The following ABCA13 variants were observed in gnomAD, a reference collection of about 807,000 sequenced individuals.
The protein encoded by ABCA13 is ATP binding cassette subfamily A member 13.
In ABCA13, 476 loss-of-function variants were observed where a neutral mutation model predicts 478.7. The observed-to-expected ratio is 0.99, with a 90% CI of 0.92 to 1.07. The LOEUF (loss-of-function observed/expected upper bound fraction) is 1.07. Ranked by LOEUF, ABCA13 falls within the 50% of genes least tolerant of loss-of-function variation. ABCA13 has a pLI of 0.00. For missense variants in ABCA13, 6,060 were observed against 5,910.6 expected (o/e 1.03, Z -0.83); for synonymous variants, 2,252 against 2,158.9 (o/e 1.04, Z -1.20).
intron 20 of ABCA13, among the ~76,000 whole-genome samples, chr7:48,290,941 A>G (rs13244306): frequency 2.2e-4 from 6 of 27,560 alleles, no homozygotes; most frequent in South Asian, 6.8e-4. Context: ...ACACTCAGGG[A>G]AAAAAAAAAA....
At chr7:48,435,757 G>A (rs1276690858) in intron 42 of ABCA13, among the ~76,000 whole-genome samples, 3 of 151,560 alleles carry the variant, frequency 2.0e-5, no homozygotes, top group African/African-American at 4.8e-5. Context: ...TTCTTTATGT[G>A]TCAATTGAAA....
intron 50 of ABCA13, among the ~76,000 whole-genome samples, chr7:48,509,655 CT>C (rs1198316767): frequency 1.3e-5 from 2 of 152,150 alleles, no homozygotes; most frequent in African/African-American, 2.4e-5. Context: ...CAATCATTCT[CT>C]GCTTATTCTA....
At chr7:48,640,583 C>T (rs953911794) in intron 59 of ABCA13, among the ~76,000 whole-genome samples, 10 of 151,990 alleles carry the variant, frequency 6.6e-5, no homozygotes, top group African/African-American at 2.2e-4. Flanking sequence ...GTGGACATAA[C>T]GTATTATCTA....
At chr7:48,601,369 C>T (rs1027824898) in intron 58 of ABCA13, among the ~76,000 whole-genome samples, 2 of 152,128 alleles carry the variant, frequency 1.3e-5, no homozygotes, top group Admixed American at 6.5e-5. Flanking sequence ...TAATGCTATC[C>T]GTCACCCAGC....
At position 48,307,104 on chromosome 7, in the gene ABCA13, C is replaced by T. The variant is rs571676923; in HGVS notation, c.9322-2843C>T. The stretch of plus-strand genomic sequence containing the variant: ...CCCCCACATTTGCATGAGCCAATTC[C>T]TTAAAATAAATCTCTCTCAATGTAT... On this transcript the variant is annotated intron_variant, in intron 23 of 61. Coordinates refer to ENST00000435803, the MANE Select transcript of ABCA13 (RefSeq NM_152701.5). 3.3e-5 allele frequency among the ~76,000 whole-genome samples: 5 copies of T among 152,196 alleles called. No individual in the cohort carries two copies. In the East Asian group the frequency reaches 9.6e-4, roughly 29 times the overall value.
At chr7:48,546,119 C>A (rs1426922419) in intron 55 of ABCA13, among the ~76,000 whole-genome samples, 1 of 151,738 alleles carries the variant, frequency 6.6e-6, no homozygotes, top group Non-Finnish European at 1.5e-5. Context: ...GGCAGGTCAC[C>A]ACAAAGTAAG....
chr7:48,571,047 C>T (rs1163635884), intron 55 of ABCA13, among the ~76,000 whole-genome samples: 7 of 152,226 alleles, frequency 4.6e-5, no homozygotes, highest in Admixed American at 3.9e-4. Flanking sequence ...TAGATTAATA[C>T]CAACTTAATT....
intron 55 of ABCA13, among the ~76,000 whole-genome samples, chr7:48,563,897 T>C (rs1458647615): frequency 6.6e-6 from 1 of 151,844 alleles, no homozygotes; most frequent in Non-Finnish European, 1.5e-5. Flanking sequence ...TGTGTTTAGC[T>C]TCTGTGGTTT....
intron 49 of ABCA13, among the ~76,000 whole-genome samples, chr7:48,507,433 G>A (rs1384461888): frequency 6.6e-6 from 1 of 152,206 alleles, no homozygotes; most frequent in African/African-American, 2.4e-5. Context: ...GGTATTTCAT[G>A]TGACTAAATT....
intron 27 of ABCA13, among the ~76,000 whole-genome samples, chr7:48,330,990 T>G (rs1392387021): frequency 6.6e-6 from 1 of 152,196 alleles, no homozygotes; most frequent in South Asian, 2.1e-4. Context: ...ACTTGTTTCC[T>G]TTTCAAATCT....
intron 1 of ABCA13, among the ~76,000 whole-genome samples, chr7:48,172,294 G>A (rs142561786): frequency 0.043 from 6,601 of 152,186 alleles, 221 homozygotes; most frequent in Admixed American, 0.11. Flanking sequence ...CTGATTTTAA[G>A]GTCTACAGTT....
At chr7:48,550,123 A>G (rs1480803231) in intron 55 of ABCA13, among the ~76,000 whole-genome samples, 3 of 151,892 alleles carry the variant, frequency 2.0e-5, no homozygotes, top group African/African-American at 7.2e-5. Context: ...TGTTTTAGTC[A>G]TGAAGTCTTC....
chr7:48,255,802 A>T (rs1793297559), intron 15 of ABCA13, among the ~76,000 whole-genome samples: 1 of 152,116 alleles, frequency 6.6e-6, no homozygotes, highest in Non-Finnish European at 1.5e-5. Flanking sequence ...GTACAATGAT[A>T]TACATTCCTT....
intron 42 of ABCA13, among the ~76,000 whole-genome samples, chr7:48,433,436 T>C (rs145929555): frequency 1.3e-5 from 2 of 149,400 alleles, no homozygotes; most frequent in African/African-American, 4.9e-5. Context: ...TGTTTTTATA[T>C]ATGATAAATA....
At chr7:48,323,282 T>G (rs1803781174) in intron 27 of ABCA13, among the ~76,000 whole-genome samples, 1 of 152,208 alleles carries the variant, frequency 6.6e-6, no homozygotes. Context: ...CCCCAGTGCC[T>G]AGAAGAATGC....
chr7:48,193,604 TGAA>T (rs1206527057), intron 2 of ABCA13, among the ~76,000 whole-genome samples: 1 of 151,764 alleles, frequency 6.6e-6, no homozygotes, highest in African/African-American at 2.4e-5. Context: ...ATGATGATGA[TGAA>T]GATGATGATA....
chr7:48,192,670 G>C (rs1797257036), intron 1 of ABCA13, among the ~76,000 whole-genome samples: 1 of 152,320 alleles, frequency 6.6e-6, no homozygotes, highest in East Asian at 1.9e-4. Flanking sequence ...TACGGGTGAA[G>C]TTATTTATTT....
intron 51 of ABCA13, among the ~76,000 whole-genome samples, chr7:48,511,553 G>A (rs1050959644): frequency 6.6e-6 from 1 of 152,104 alleles, no homozygotes; most frequent in Non-Finnish European, 1.5e-5. Flanking sequence ...ATTTGTGGAG[G>A]TTCTCTCAGC....
chr7:48,279,061 TC>T lies in ABCA13; in HGVS notation c.7868del (p.Ser2623TyrfsTer3). On this transcript the variant is annotated frameshift_variant, in exon 18 of 62. Coordinates refer to ENST00000435803, the MANE Select transcript of ABCA13 (RefSeq NM_152701.5). LOFTEE classifies it high-confidence loss of function. ...DIFSMSPSIL[S>X]YMNQSKDFSD... ...TTTCAGTATGTCACCTAGCATACTC[TC>T]ATATATGAACCAATCTAAGGACTTT... 1 of 1,613,026 alleles carries T rather than the reference TC, an allele frequency of 6.2e-7. No individual in the cohort carries two copies. Among genetic ancestry groups the T allele is most frequent in the Non-Finnish European group, 8.5e-7 (1 of 1,179,784 alleles).
Sources: gnomAD v4.1 joint callset for allele counts (sites outside exome capture counted in the v4.1 genomes callset) on GRCh38, gnomAD v4.1.1 for gene constraint, MANE v1.5 for transcripts, NCBI Gene and HGNC (gene_info 2026-07-23, HGNC 2026-07-21) for gene names.